PRELID2: variants seen among roughly 807,000 people sequenced by gnomAD.
PRELID2 encodes PRELI domain containing 2, also known as PRELI domain-containing protein 2.
Under a neutral mutation model 28.4 loss-of-function variants are expected in PRELID2, and 25 were observed. That is an observed-to-expected ratio of 0.88 (90% CI 0.64 to 1.23). The LOEUF is 1.23. Ranked by LOEUF, PRELID2 falls within the 50% of genes most tolerant of loss-of-function variation. The pLI is 0.00. For missense variants in PRELID2, 201 were observed against 214.4 expected (o/e 0.94, Z 0.39); for synonymous variants, 76 against 71.6 (o/e 1.06, Z -0.31).
intron 1 of PRELID2, among the ~76,000 whole-genome samples, chr5:145,515,083 C>T (rs534132344): frequency 6.6e-6 from 1 of 152,094 alleles, no homozygotes; most frequent in Admixed American, 6.5e-5. Context: ...ACTCTAACAT[C>T]AAAATTAAAA....
intron 1 of PRELID2, among the ~76,000 whole-genome samples, chr5:145,549,997 G>T (rs138947753): frequency 2.6e-5 from 4 of 152,126 alleles, no homozygotes; most frequent in Non-Finnish European, 5.9e-5. Context: ...GCATTGAGGA[G>T]GGTGGGAAGG....
At chr5:145,556,694 A>G (rs1752882532) in intron 1 of PRELID2, among the ~76,000 whole-genome samples, 1 of 152,222 alleles carries the variant, frequency 6.6e-6, no homozygotes, top group Non-Finnish European at 1.5e-5. Flanking sequence ...AAGAGCCGAC[A>G]AGGCCCAATG....
At chr5:145,242,748 C>T in the PRELID2 span, among the ~76,000 whole-genome samples, 10 of 152,088 alleles carry the variant, frequency 6.6e-5, no homozygotes, top group Admixed American at 2.0e-4. Context: ...AACCCTAATC[C>T]GATAATTCCA....
the PRELID2 span, among the ~76,000 whole-genome samples, chr5:145,277,442 A>G: frequency 1.3e-5 from 2 of 152,034 alleles, no homozygotes; most frequent in Non-Finnish European, 2.9e-5. Flanking sequence ...CTCTTCAACA[A>G]TATCTTCCCA....
chr5:145,260,870 C>T, the PRELID2 span, among the ~76,000 whole-genome samples: 4 of 152,172 alleles, frequency 2.6e-5, no homozygotes, highest in Non-Finnish European at 5.9e-5. Flanking sequence ...AGCTGAGGAA[C>T]TGTGAGTAGG....
the PRELID2 span, among the ~76,000 whole-genome samples, chr5:145,274,446 G>A: frequency 3.3e-5 from 5 of 152,046 alleles, no homozygotes; most frequent in Non-Finnish European, 7.4e-5. Context: ...TATGGACCCC[G>A]CGGCAGCTGG....
chr5:145,780,593 A>T (rs1758724100), intron 5 of PRELID2, among the ~76,000 whole-genome samples: 1 of 152,212 alleles, frequency 6.6e-6, no homozygotes, highest in Admixed American at 6.5e-5. Context: ...TATTTAAAAC[A>T]TTGTTAAATA....
At chr5:145,493,893 T>C (rs1752288386) in intron 1 of PRELID2, among the ~76,000 whole-genome samples, 1 of 152,202 alleles carries the variant, frequency 6.6e-6, no homozygotes, top group Non-Finnish European at 1.5e-5. Flanking sequence ...CTCTTAAGAA[T>C]TTCCTTGCAC....
chr5:145,291,678 G>T, the PRELID2 span, among the ~76,000 whole-genome samples: 1 of 151,798 alleles, frequency 6.6e-6, no homozygotes, highest in Non-Finnish European at 1.5e-5. Context: ...ATGTTTCTTT[G>T]TTGTTTCTAA....
chr5:145,741,491 A>ATTATATATAAAATTTATTTATAAATAAT (rs1561567903), intron 1 of PRELID2, among the ~76,000 whole-genome samples: 6 of 100,942 alleles, frequency 5.9e-5, no homozygotes, highest in Non-Finnish European at 9.0e-5. Flanking sequence ...TTATAAATAA[A>ATTATATATAAAATTTATTTATAAATAAT]TTATATATAA....
chr5:145,273,198 G>T, the PRELID2 span, among the ~76,000 whole-genome samples: 1 of 152,108 alleles, frequency 6.6e-6, no homozygotes. Context: ...TATCAGCAAG[G>T]ACTATCTCGA....
chr5:145,562,895 G>A (rs1398624892), intron 1 of PRELID2, among the ~76,000 whole-genome samples: 1 of 152,136 alleles, frequency 6.6e-6, no homozygotes, highest in African/African-American at 2.4e-5. Context: ...AGCCAATGAC[G>A]AATTTCAACA....
intron 1 of PRELID2, among the ~76,000 whole-genome samples, chr5:145,526,553 G>A (rs1032876882): frequency 6.6e-6 from 1 of 152,138 alleles, no homozygotes; most frequent in Non-Finnish European, 1.5e-5. Context: ...AAAGTCATGG[G>A]AAGCCACTGA....
chr5:145,434,231 G>A, the PRELID2 span, among the ~76,000 whole-genome samples: 9 of 152,108 alleles, frequency 5.9e-5, no homozygotes, highest in Admixed American at 3.9e-4. Flanking sequence ...ATTAGTTTCA[G>A]TGAATTGTGA....
At chr5:145,400,478 C>G in the PRELID2 span, among the ~76,000 whole-genome samples, 4 of 151,894 alleles carry the variant, frequency 2.6e-5, no homozygotes. Flanking sequence ...ATTTAATGTT[C>G]CTACAGTTAA....
the PRELID2 span, among the ~76,000 whole-genome samples, chr5:145,416,684 C>T: frequency 9.9e-5 from 15 of 151,996 alleles, no homozygotes; most frequent in African/African-American, 3.6e-4. Context: ...TGAATGCCCA[C>T]AACAAAAAGC....
chr5:145,593,843 T>C (rs557780919), intron 1 of PRELID2, among the ~76,000 whole-genome samples: 5 of 152,304 alleles, frequency 3.3e-5, no homozygotes, highest in African/African-American at 1.2e-4. Flanking sequence ...CATTTAATCA[T>C]GAACTATGAC....
downstream of PRELID2, among the ~76,000 whole-genome samples, chr5:145,756,287 C>T (rs1383635498): frequency 6.6e-6 from 1 of 152,266 alleles, no homozygotes; most frequent in South Asian, 2.1e-4. Context: ...TAAATGATAA[C>T]CACAAGCTTG....
the PRELID2 span, among the ~76,000 whole-genome samples, chr5:145,333,328 C>A: frequency 2.0e-5 from 3 of 152,216 alleles, no homozygotes; most frequent in Admixed American, 6.5e-5. Context: ...CTCTTCAGAG[C>A]CAGCAGGCAG....
Sources: gnomAD v4.1 joint callset for allele counts (sites outside exome capture counted in the v4.1 genomes callset) on GRCh38, gnomAD v4.1.1 for gene constraint, MANE v1.5 for transcripts, NCBI Gene and HGNC (gene_info 2026-07-23, HGNC 2026-07-21) for gene names.